The following PTPRC variants were observed in gnomAD, a reference collection of about 807,000 sequenced individuals.
The protein encoded by PTPRC is protein tyrosine phosphatase receptor type C, also known as receptor-type tyrosine-protein phosphatase C.
Under a neutral mutation model 155.9 loss-of-function variants are expected in PTPRC, and 44 were observed. That is an observed-to-expected ratio of 0.28 (90% CI 0.22 to 0.36). PTPRC has a LOEUF of 0.36. Ranked by LOEUF, PTPRC falls within the 10% of genes least tolerant of loss-of-function variation. The pLI is 1.00. For missense variants in PTPRC, 1,401 were observed against 1,564.6 expected (o/e 0.90, Z 1.76); for synonymous variants, 525 against 533.1 (o/e 0.98, Z 0.21).
chr1:198,703,551 A>G, intron 7 of PTPRC, 179 bp downstream of exon 7: 2 of 905,002 alleles, frequency 2.2e-6, no homozygotes, highest in Admixed American at 2.1e-5. Context: ...GCAACAGCTG[A>G]TGAGATCAGG....
At chr1:198,706,668 G>T in intron 8 of PTPRC, 66 bp from the exon 9 acceptor site, 1 of 1,513,020 alleles carries the variant, frequency 6.6e-7, no homozygotes, top group Non-Finnish European at 9.1e-7. Flanking sequence ...TGATATTTTG[G>T]CATTTGCATT....
At chr1:198,650,912 A>G (rs904090748) in intron 2 of PTPRC, among the ~76,000 whole-genome samples, 2 of 151,852 alleles carry the variant, frequency 1.3e-5, no homozygotes, top group Admixed American at 6.6e-5. Flanking sequence ...TTATAGTGAG[A>G]ATTCAGTAAA....
At chr1:198,640,772 A>AT (rs1451985589) in intron 2 of PTPRC, among the ~76,000 whole-genome samples, 1 of 151,912 alleles carries the variant, frequency 6.6e-6, no homozygotes, top group Non-Finnish European at 1.5e-5. Context: ...AAGCCAGAAT[A>AT]TTTTTCTTCT....
At chr1:198,688,909 C>A (rs1346400538) in intron 2 of PTPRC, among the ~76,000 whole-genome samples, 5 of 152,322 alleles carry the variant, frequency 3.3e-5, no homozygotes, top group South Asian at 2.1e-4. Flanking sequence ...ATATACTAGA[C>A]TGGCCTTGTG....
chr1:198,704,063 C>CT (rs1171340763), intron 7 of PTPRC, among the ~76,000 whole-genome samples: 3 of 151,920 alleles, frequency 2.0e-5, no homozygotes, highest in South Asian at 2.1e-4. Flanking sequence ...TTTTCTCTGA[C>CT]TTTTTTTTAT....
At chr1:198,696,447 GT>G (rs916242818) in intron 3 of PTPRC, among the ~76,000 whole-genome samples, 1 of 151,616 alleles carries the variant, frequency 6.6e-6, no homozygotes, top group Admixed American at 6.6e-5. Flanking sequence ...TCTGTAGCTT[GT>G]TTTAGATCTG....
chr1:198,681,165 G>T (rs1429404198), intron 2 of PTPRC, among the ~76,000 whole-genome samples: 2 of 151,194 alleles, frequency 1.3e-5, no homozygotes, highest in Non-Finnish European at 3.0e-5. Flanking sequence ...AAATGAAAAG[G>T]ATCTCATGAT....
At chr1:198,751,833 C>T (rs944114560) in intron 29 of PTPRC, among the ~76,000 whole-genome samples, 1 of 152,050 alleles carries the variant, frequency 6.6e-6, no homozygotes, top group Non-Finnish European at 1.5e-5. Context: ...GATGCAGCCT[C>T]CTTCCTCAAG....
chr1:198,639,158 T>G, intron 1 of PTPRC, 21 bp downstream of exon 1: 1 of 872,752 alleles, frequency 1.1e-6, no homozygotes, highest in South Asian at 1.3e-5. Context: ...ATTTATTTAC[T>G]TTTACATTTT....
rs553129032 is a variant in PTPRC, at chr1:198,703,391, A to G, written c.658+19A>G. 1.9e-6 allele frequency: 3 copies of G among 1,611,054 alleles called. No homozygotes were observed. In the South Asian group the frequency reaches 3.3e-5, roughly 18 times the overall value. ...ACAATAGGTGATATTACCCTCAGTC[A>G]GGCAGCCACACCATCCCCATGTGCC... On this transcript the variant is annotated intron_variant, in intron 7 of 32. Transcript: ENST00000442510.
At chr1:198,642,792 C>T (rs1662668489) in intron 2 of PTPRC, among the ~76,000 whole-genome samples, 1 of 151,794 alleles carries the variant, frequency 6.6e-6, no homozygotes, top group Non-Finnish European at 1.5e-5. Flanking sequence ...CTGATTTCTT[C>T]TCATTGCCTT....
Position 198,694,394 on chromosome 1 carries a change from G to A in PTPRC, c.100+2021G>A, listed in dbSNP as rs1270762969. On this transcript the variant is annotated intron_variant, in intron 3 of 32. Transcript: ENST00000442510. ...AAATGTTAATCTCCCTTGGCAATACGCTCACAGGCACACCCAGGAACAATA... is the reference window on the plus strand; with the variant it reads ...AAATGTTAATCTCCCTTGGCAATACACTCACAGGCACACCCAGGAACAATA... The A allele has an allele frequency of 1.4e-5, 15 of 1,095,570 alleles. No homozygotes were observed. The East Asian group carries it at 1.5e-4, about 11-fold the overall frequency. 67.9% of individuals were successfully genotyped at this position (1,095,570 alleles called of 1,614,324 possible). A position where few individuals can be genotyped will look rare whatever the true frequency, so the allele number is the denominator to read the frequency against.
chr1:198,651,003 T>C (rs1571781573), intron 2 of PTPRC, among the ~76,000 whole-genome samples: 1 of 151,998 alleles, frequency 6.6e-6, no homozygotes, highest in Middle Eastern at 3.4e-3. Context: ...TCTATTAACT[T>C]TAATATTGTT....
chr1:198,701,387 G>C (rs1288431174), intron 5 of PTPRC, among the ~76,000 whole-genome samples: 1 of 152,190 alleles, frequency 6.6e-6, no homozygotes, highest in East Asian at 1.9e-4. Context: ...CTGCAAATGT[G>C]AGACTAATCT....
In PTPRC at chr1:198,756,807, T is replaced by C. The variant is rs1655698759; in HGVS notation, c.*626T>C. 1 of 152,032 alleles carries C rather than the reference T, an allele frequency of 6.6e-6. No individual in the cohort carries two copies. The highest frequency in any genetic ancestry group is 1.5e-5 in the Non-Finnish European group (1 of 67,930). 9.4% of individuals were successfully genotyped at this position (152,032 alleles called of 1,614,324 possible). The stretch of plus-strand genomic sequence containing the variant: ...TTGGGAAATCTTATATTCCATATAT[T>C]AGCATTTAGTCCAATGTCTTTTTAA... On this transcript the variant is annotated 3_prime_UTR_variant, in exon 33 of 33. Coordinates refer to ENST00000442510, the MANE Select transcript of PTPRC (RefSeq NM_002838.5).
chr1:198,724,832 G>A (rs867657751), intron 15 of PTPRC, among the ~76,000 whole-genome samples: 109 of 151,840 alleles, frequency 7.2e-4, no homozygotes, highest in African/African-American at 2.5e-3. Context: ...AGGGAGTTTC[G>A]CTCTTGTTGC....
Position 198,704,621 on chromosome 1 carries a change from C to T in PTPRC, c.685+123C>T, listed in dbSNP as rs938769338. On this transcript the variant is annotated intron_variant, in intron 8 of 32. Coordinates refer to ENST00000442510, the MANE Select transcript of PTPRC (RefSeq NM_002838.5). ...AAACTCACTGGCTCTAATTTCTCAC[C>T]GATGACTAGTCTCAAATTAGTAAAA... 23 of 1,559,222 alleles carry T rather than the reference C, an allele frequency of 1.5e-5. No individual in the cohort carries two copies. In the East Asian group the frequency reaches 4.1e-4, roughly 28 times the overall value.
rs74230261 is a variant in PTPRC at position 198,735,436 on chromosome 1, C to T, written c.2403+184C>T. Among the ~76,000 whole-genome samples, 18,687 of 151,128 alleles carry T rather than the reference C, an allele frequency of 0.12. 1,378 individuals are homozygous for T. The highest frequency in any genetic ancestry group is 0.26 in the East Asian group (1,315 of 5,112). On this transcript the variant is annotated intron_variant, in intron 23 of 32. Coordinates refer to ENST00000442510, the MANE Select transcript of PTPRC (RefSeq NM_002838.5). ...GTCAAATTTAAGTCACTGGTCAAGA[C>T]GTTTTTGTCCAACTCAAATCGAAAG...
chr1:198,749,398 C>G lies in PTPRC; in HGVS notation c.2939-18C>G. On this transcript the variant is annotated intron_variant, in intron 27 of 32. Transcript: ENST00000442510. ...TAATTTTTTCAAGGAAGACTTACTA[C>G]TGATTTATTTCACATAGATGACTAT... The G allele has an allele frequency of 6.2e-7, 1 of 1,603,432 alleles. No homozygotes were observed. The highest frequency in any genetic ancestry group is 8.5e-7 in the Non-Finnish European group (1 of 1,171,784).
Sources: gnomAD v4.1 joint callset for allele counts (sites outside exome capture counted in the v4.1 genomes callset) on GRCh38, gnomAD v4.1.1 for gene constraint, MANE v1.5 for transcripts, NCBI Gene and HGNC (gene_info 2026-07-23, HGNC 2026-07-21) for gene names.